Variants in TAF13 observed in about 807,000 individuals in gnomAD.
The protein encoded by TAF13 is TATA-box binding protein associated factor 13, also known as transcription initiation factor TFIID subunit 13.
TAF13 carries 9 observed loss-of-function variants against 18.7 expected under a neutral mutation model. The ratio of observed to expected loss-of-function variants is 0.48; its 90% CI spans 0.29 to 0.84. TAF13 has a LOEUF of 0.84. TAF13 is among the 40% of genes least tolerant of loss of function. The pLI, the probability that TAF13 is intolerant of heterozygous loss-of-function variation, is 0.08. For missense variants in TAF13, 105 were observed against 146.5 expected, an observed-to-expected ratio of 0.72 and a Z score of 1.46; for synonymous variants, 49 against 44.1, an observed-to-expected ratio of 1.11 and a Z score of -0.44.
chr1:109,075,896 G>C (rs768609693), intron 1 of TAF13, 25 bp downstream of exon 1: 16 of 1,614,190 alleles, frequency 9.9e-6, no homozygotes, highest in Non-Finnish European at 1.2e-5. Flanking sequence ...GAAAAGACAG[G>C]TTTTGGACAG....
At chr1:109,065,160 T>A (rs1022860098) in intron 3 of TAF13, among the ~76,000 whole-genome samples, 1 of 152,164 alleles carries the variant, frequency 6.6e-6, no homozygotes, top group African/African-American at 2.4e-5. Flanking sequence ...CACAGCATTA[T>A]TTCTAATGAT....
chr1:109,065,734 C>T (rs1230067811), intron 3 of TAF13, among the ~76,000 whole-genome samples: 1 of 151,950 alleles, frequency 6.6e-6, no homozygotes, highest in Non-Finnish European at 1.5e-5. Context: ...ACCAGCCTGA[C>T]CAACATGGAG....
chr1:109,069,493 T>G (rs1452197402), intron 2 of TAF13, among the ~76,000 whole-genome samples: 3 of 151,166 alleles, frequency 2.0e-5, no homozygotes, highest in African/African-American at 7.3e-5. Flanking sequence ...AGAGGCACAG[T>G]TTTTTTTTCT....
At chr1:109,074,439 A>C (rs781474214) in intron 2 of TAF13, among the ~76,000 whole-genome samples, 2 of 152,268 alleles carry the variant, frequency 1.3e-5, no homozygotes, top group East Asian at 3.9e-4. Flanking sequence ...CAAAACACTG[A>C]GGAAGGCCGC....
chr1:109,071,992 ATATATATATATATATATATATACACAC>A, intron 2 of TAF13, among the ~76,000 whole-genome samples: 1 of 2,028 alleles, frequency 4.9e-4, no homozygotes, highest in Non-Finnish European at 1.5e-3. Flanking sequence ...ATATATATAT[ATATATATATATATATATATATACACAC>A]ACATATATAT....
In TAF13 at chr1:109,064,483, G is replaced by A. The variant is rs1663917868; in HGVS notation, c.*40C>T. 1 of 1,357,932 alleles carries A rather than the reference G, an allele frequency of 7.4e-7. No homozygotes were observed. The highest frequency in any genetic ancestry group is 2.1e-5 in the South Asian group (1 of 47,560). The allele number at this position is 1,357,932 out of a possible 1,614,324, so 84.1% of individuals were successfully genotyped here. On this transcript the variant is annotated 3_prime_UTR_variant, in exon 4 of 4. Coordinates refer to ENST00000338366, the MANE Select transcript of TAF13 (RefSeq NM_005645.4). ...TAGAAAATATACAATTATTATATAT[G>A]GTTTCCCCAGATGGTAATTTTCGGA...
intron 2 of TAF13, among the ~76,000 whole-genome samples, chr1:109,066,702 CT>C (rs1001745808): frequency 6.6e-6 from 1 of 152,076 alleles, no homozygotes; most frequent in Non-Finnish European, 1.5e-5. Context: ...TCTCCAAATA[CT>C]TTTTTTGTTT....
chr1:109,064,260 GAAC>G lies in TAF13; in HGVS notation c.*260_*262del, dbSNP rs1438818423. The G allele has an allele frequency of 2.5e-5, 5 of 203,288 alleles. No homozygotes were observed. The highest frequency in any genetic ancestry group is 4.7e-5 in the Non-Finnish European group (5 of 105,592). The allele number at this position is 203,288 out of a possible 1,614,324, so 12.6% of individuals were successfully genotyped here. A position where few individuals can be genotyped will look rare whatever the true frequency, so the allele number is the denominator to read the frequency against. On this transcript the variant is annotated 3_prime_UTR_variant, in exon 4 of 4. Transcript: ENST00000338366. ...TTATCCTTTAAATAGTCAAAAGTCA[GAAC>G]AACGGCATGGTTTGCAAGGTACTTT...
chr1:109,072,083 CATATAT>C (rs1198567507), intron 2 of TAF13, among the ~76,000 whole-genome samples: 4 of 5,076 alleles, frequency 7.9e-4, no homozygotes, highest in African/African-American at 1.9e-3. Context: ...TATACACACA[CATATAT>C]ATATATATAT....
chr1:109,067,995 T>G (rs968749287), intron 2 of TAF13, among the ~76,000 whole-genome samples: 14 of 152,164 alleles, frequency 9.2e-5, no homozygotes, highest in African/African-American at 3.4e-4. Context: ...TGAATTCTTT[T>G]TTTTGCTCTC....
rs558603784 is a variant in TAF13 at position 109,067,133 on chromosome 1, G to C, written c.107-901C>G. On this transcript the variant is annotated intron_variant, in intron 2 of 3. Coordinates refer to ENST00000338366, the MANE Select transcript of TAF13 (RefSeq NM_005645.4). ...TACAACTGCAGCAAAGCCCTTTCAG[G>C]CTTCATCTGAAGAAACCATAGGAAA... 5.9e-5 allele frequency among the ~76,000 whole-genome samples: 9 copies of C among 152,278 alleles called. No homozygotes were observed. The South Asian group carries it at 1.9e-3, about 32-fold the overall frequency.
At chr1:109,073,554 G>A (rs1021850128) in intron 2 of TAF13, among the ~76,000 whole-genome samples, 2 of 152,200 alleles carry the variant, frequency 1.3e-5, no homozygotes, top group Non-Finnish European at 2.9e-5. Context: ...TTTTGGTGGA[G>A]ACGGGGTTTC....
Position 109,067,296 on chromosome 1 carries a change from TA to T in TAF13, c.107-1065del, listed in dbSNP as rs1304127746. Among the ~76,000 whole-genome samples, 15 of 151,628 alleles carry T rather than the reference TA, an allele frequency of 9.9e-5. No homozygotes were observed. The South Asian group carries it at 2.7e-3, about 27-fold the overall frequency. On this transcript the variant is annotated intron_variant, in intron 2 of 3. Coordinates refer to ENST00000338366, the MANE Select transcript of TAF13 (RefSeq NM_005645.4). ...AACATGGCGAAACCCTGTCTCTACA[TA>T]AAAAACAAAAATTAGCTGGGCGTAG...
At chr1:109,069,158 G>A (rs79190628) in intron 2 of TAF13, among the ~76,000 whole-genome samples, 55 of 152,202 alleles carry the variant, frequency 3.6e-4, no homozygotes, top group African/African-American at 1.3e-3. Flanking sequence ...TCAAATGCTG[G>A]AAGTGTTCTG....
chr1:109,074,079 C>A lies in TAF13; in HGVS notation c.106+908G>T, dbSNP rs921902113. The stretch of plus-strand genomic sequence containing the variant: ...GCCGCCACCCTGTCTGGGAGGTGTA[C>A]CCAACAGTTCATTGAGAACGGGCCA... On this transcript the variant is annotated intron_variant, in intron 2 of 3. Transcript: ENST00000338366. Among the ~76,000 whole-genome samples, 28 of 152,306 alleles carry A rather than the reference C, an allele frequency of 1.8e-4. 1 individual carries two copies. Among genetic ancestry groups the A allele is most frequent in the African/African-American group, 6.3e-4 (26 of 41,570 alleles).
At chr1:109,073,147 C>G (rs1332873744) in intron 2 of TAF13, among the ~76,000 whole-genome samples, 1 of 152,108 alleles carries the variant, frequency 6.6e-6, no homozygotes, top group Non-Finnish European at 1.5e-5. Flanking sequence ...GGCTTACAGT[C>G]AAAGAAGCCT....
At chr1:109,068,981 G>GA (rs1275404353) in intron 2 of TAF13, among the ~76,000 whole-genome samples, 2 of 152,158 alleles carry the variant, frequency 1.3e-5, no homozygotes, top group Non-Finnish European at 2.9e-5. Flanking sequence ...CAACCTGGGC[G>GA]AAAGAGGGAG....
intron 2 of TAF13, among the ~76,000 whole-genome samples, chr1:109,072,021 CATAT>C (rs1169146864): frequency 8.5e-4 from 4 of 4,682 alleles, no homozygotes; most frequent in African/African-American, 3.0e-3. Flanking sequence ...TATACACACA[CATAT>C]ATATATATAT....
chr1:109,075,116 GATATTTTA>G, intron 1 of TAF13, 51 bp from the exon 2 acceptor site: 1 of 1,431,584 alleles, frequency 7.0e-7, no homozygotes, highest in Non-Finnish European at 9.5e-7. Flanking sequence ...CCTTGCATTT[GATATTTTA>G]ATAATGACAT....
Sources: gnomAD v4.1 joint callset for allele counts (sites outside exome capture counted in the v4.1 genomes callset) on GRCh38, gnomAD v4.1.1 for gene constraint, MANE v1.5 for transcripts, NCBI Gene and HGNC (gene_info 2026-07-23, HGNC 2026-07-21) for gene names.